Variants in KIAA1958 observed in about 807,000 individuals in gnomAD.
KIAA1958 encodes the protein uncharacterized protein KIAA1958.
KIAA1958 carries 14 observed loss-of-function variants against 47.2 expected under a neutral mutation model. The ratio of observed to expected loss-of-function variants is 0.30; its 90% CI spans 0.20 to 0.46. The LOEUF (loss-of-function observed/expected upper bound fraction) is 0.46, where lower values mean the gene tolerates loss of function less well. Among genes scored for constraint, KIAA1958 ranks in the 20% least tolerant of loss-of-function variants. The pLI is 1.00. For synonymous variants in KIAA1958, 354 were observed against 353.3 expected (o/e 1.00, Z -0.02); for missense variants, 803 against 909.2 (o/e 0.88, Z 1.50).
At chr9:112,591,829 C>G (rs972327052) in intron 2 of KIAA1958, among the ~76,000 whole-genome samples, 1 of 152,110 alleles carries the variant, frequency 6.6e-6, no homozygotes, top group African/African-American at 2.4e-5. Context: ...TACGGTGCCA[C>G]AAAAGGAATA....
intron 2 of KIAA1958, among the ~76,000 whole-genome samples, chr9:112,580,898 A>G (rs984917041): frequency 3.9e-5 from 6 of 152,300 alleles, no homozygotes; most frequent in Admixed American, 3.9e-4. Context: ...TTTTTGAAAA[A>G]TAAGAGAGAC....
At chr9:112,571,844 AAG>A (rs1261229932) in intron 1 of KIAA1958, among the ~76,000 whole-genome samples, 1 of 145,868 alleles carries the variant, frequency 6.9e-6, no homozygotes, top group South Asian at 2.2e-4. Flanking sequence ...AAAAAATAAA[AAG>A]AAATAAAATA....
At chr9:112,564,954 T>G (rs1340775487) in intron 1 of KIAA1958, among the ~76,000 whole-genome samples, 1 of 152,122 alleles carries the variant, frequency 6.6e-6, no homozygotes, top group African/African-American at 2.4e-5. Flanking sequence ...TTTAGTCAAA[T>G]TAGAATTATT....
chr9:112,528,956 T>G (rs1313187290), intron 1 of KIAA1958, among the ~76,000 whole-genome samples: 2 of 152,232 alleles, frequency 1.3e-5, no homozygotes, highest in African/African-American at 4.8e-5. Flanking sequence ...AACTTTTCCT[T>G]TAGAACTTTT....
chr9:112,591,309 C>T (rs1483749861), intron 2 of KIAA1958, among the ~76,000 whole-genome samples: 3 of 152,042 alleles, frequency 2.0e-5, no homozygotes, highest in African/African-American at 7.2e-5. Context: ...TGGTCTCGAT[C>T]TCCTGACCTC....
intron 1 of KIAA1958, among the ~76,000 whole-genome samples, chr9:112,544,525 T>C (rs1834996721): frequency 6.8e-6 from 1 of 147,092 alleles, no homozygotes; most frequent in South Asian, 2.2e-4. Flanking sequence ...AATAAATAAA[T>C]AAGTCAGGAT....
chr9:112,660,263 G>A lies in KIAA1958; in HGVS notation c.*194G>A, dbSNP rs181815067. On this transcript the variant is annotated 3_prime_UTR_variant, in exon 4 of 4. Transcript: ENST00000337530. ...GAAACTAGATGAGTCTAAATCATTC[G>A]GATGGTTTATCCAAATGTGCGTCAA... The A allele has an allele frequency of 2.2e-3, 1,296 of 587,230 alleles. 5 individuals carry two copies. Among genetic ancestry groups the A allele is most frequent in the Middle Eastern group, 0.012 (27 of 2,212 alleles). The allele number at this position is 587,230 out of a possible 1,614,324, so 36.4% of individuals were successfully genotyped here.
chr9:112,610,528 C>A (rs1032751985), intron 2 of KIAA1958, among the ~76,000 whole-genome samples: 3 of 151,830 alleles, frequency 2.0e-5, no homozygotes, highest in Non-Finnish European at 4.4e-5. Flanking sequence ...CACGGGCCCC[C>A]CAAAAATTGA....
chr9:112,494,033 T>C (rs1165012264), intron 1 of KIAA1958, among the ~76,000 whole-genome samples: 1 of 152,224 alleles, frequency 6.6e-6, no homozygotes, highest in Non-Finnish European at 1.5e-5. Context: ...AACCAGGCAG[T>C]GGGCTGGATT....
In KIAA1958 at chr9:112,575,241, G is replaced by A. The variant is rs1443097980; in HGVS notation, c.1161G>A (p.Gln387=). The A allele has an allele frequency of 2.6e-6, 4 of 1,529,066 alleles. No individual in the cohort carries two copies. In the African/African-American group the frequency reaches 4.1e-5, roughly 16 times the overall value. 94.7% of individuals were successfully genotyped at this position (1,529,066 alleles called of 1,614,324 possible). Residue 387 remains glutamine, a synonymous_variant, in exon 2 of 4, where the codon CAG becomes CAA. Coordinates refer to ENST00000337530, the MANE Select transcript of KIAA1958 (RefSeq NM_133465.4). ...APAITTEATA[Q]CIPAYSTKLN... is the part of the protein sequence containing the mutation. ...CCATAACCACTGAGGCCACAGCACA[G>A]TGCATACCAGGTATGGCACATGAGG...
chr9:112,503,925 T>TTA (rs5900006), intron 1 of KIAA1958, among the ~76,000 whole-genome samples: 17,836 of 147,326 alleles, frequency 0.12, 1,451 homozygotes, highest in East Asian at 0.2. Context: ...GGGTTATAAA[T>TTA]TATATATATA....
chr9:112,582,314 C>T (rs1018669420), intron 2 of KIAA1958, among the ~76,000 whole-genome samples: 2 of 152,212 alleles, frequency 1.3e-5, no homozygotes, highest in African/African-American at 4.8e-5. Flanking sequence ...GATTATTACA[C>T]ATTTGCATGC....
rs200042121 is a variant in KIAA1958, at chr9:112,659,667, C to T, written c.1749C>T (p.Ile583=). 3.7e-5 allele frequency: 60 copies of T among 1,614,026 alleles called. No homozygotes were observed. The highest frequency in any genetic ancestry group is 4.6e-5 in the Non-Finnish European group (54 of 1,180,042). ...QEHADLMYGD[I]ELLKDPQNQP... ...ATGCGGATCTGATGTATGGTGACAT[C>T]GAGCTGCTCAAAGACCCCCAAAACC... The change falls in exon 4 of 4, where the codon ATC becomes ATT. Residue 583 remains isoleucine, a synonymous_variant. Transcript: ENST00000337530.
Position 112,659,118 on chromosome 9 carries a change from G to A in KIAA1958, c.1345-145G>A, listed in dbSNP as rs189532957. On this transcript the variant is annotated intron_variant, in intron 3 of 3. Coordinates refer to ENST00000337530, the MANE Select transcript of KIAA1958 (RefSeq NM_133465.4). Reference sequence around the variant, plus strand: ...CCAAGTATGGAACCTAGATCTTCCAGTTTGAAATTCACTGTTCTTTCCATT... The same window carrying A: ...CCAAGTATGGAACCTAGATCTTCCAATTTGAAATTCACTGTTCTTTCCATT... 8 of 668,688 alleles carry A rather than the reference G, an allele frequency of 1.2e-5. No homozygotes were observed. In the African/African-American group the frequency reaches 1.4e-4, roughly 12 times the overall value. 41.4% of individuals were successfully genotyped at this position (668,688 alleles called of 1,614,324 possible).
intron 2 of KIAA1958, among the ~76,000 whole-genome samples, chr9:112,593,030 T>G (rs1009797314): frequency 2.0e-5 from 3 of 152,216 alleles, no homozygotes; most frequent in African/African-American, 7.2e-5. Flanking sequence ...CTAAATAGTT[T>G]ATGGTAGTTA....
intron 2 of KIAA1958, among the ~76,000 whole-genome samples, chr9:112,575,897 G>A (rs1230883922): frequency 6.6e-6 from 1 of 152,066 alleles, no homozygotes. Context: ...TAATTCTAAC[G>A]TTCTAATGTT....
rs748491527 is a variant in KIAA1958 at position 112,574,226 on chromosome 9, G to T, written c.146G>T (p.Gly49Val). 6.2e-7 allele frequency: 1 copy of T among 1,614,150 alleles called. No individual in the cohort carries two copies. The highest frequency in any genetic ancestry group is 8.5e-7 in the Non-Finnish European group (1 of 1,180,018). Residue 49 changes from glycine to valine, a missense_variant, in exon 2 of 4, where the codon GGC becomes GTC. Gly to Val is a moderately radical substitution (Grantham distance 109). Coordinates refer to ENST00000337530, the MANE Select transcript of KIAA1958 (RefSeq NM_133465.4). Reference protein sequence around the residue: ...GSHGNLTAMWGCSAGHAYHWP... With the variant: ...GSHGNLTAMWVCSAGHAYHWP... ...CATGGGAACCTGACAGCAATGTGGG[G>T]CTGTAGTGCTGGCCATGCTTATCAC...
intron 2 of KIAA1958, among the ~76,000 whole-genome samples, chr9:112,620,628 T>C (rs943607661): frequency 3.3e-5 from 5 of 152,200 alleles, no homozygotes; most frequent in Non-Finnish European, 7.3e-5. Context: ...TAGAGAAATA[T>C]TCATTTATAC....
At chr9:112,537,001 CTA>C (rs1834865814) in intron 1 of KIAA1958, among the ~76,000 whole-genome samples, 1 of 152,054 alleles carries the variant, frequency 6.6e-6, no homozygotes, top group South Asian at 2.1e-4. Flanking sequence ...ATTAGAGACT[CTA>C]TTAAAAGTTA....
Sources: allele counts gnomAD v4.1 joint callset (sites outside exome capture counted in the v4.1 genomes callset), GRCh38; gene constraint gnomAD v4.1.1; transcripts MANE v1.5; gene names NCBI Gene and HGNC (gene_info 2026-07-23, HGNC 2026-07-21).